ZNF83: variants seen among roughly 807,000 people sequenced by gnomAD.
ZNF83 encodes the protein zinc finger protein 83, also known as zinc finger protein 816B.
For missense variants in ZNF83, 552 were observed against 629.9 expected (o/e 0.88, Z 1.32); for synonymous variants, 209 against 213.0 (o/e 0.98, Z 0.17).
At chr19:52,618,666 G>C (rs981594274) in intron 2 of ZNF83, 2 of 517,664 alleles carry the variant, frequency 3.9e-6, no homozygotes, top group African/African-American at 3.9e-5. Flanking sequence ...CAAAGTGCTG[G>C]GATTACAGGC....
chr19:52,638,668 T>A (rs1658569281), upstream of ZNF83, among the ~76,000 whole-genome samples: 1 of 152,210 alleles, frequency 6.6e-6, no homozygotes, highest in South Asian at 2.1e-4. Context: ...TACAATTTCA[T>A]GCTGATAGCC....
intron 2 of ZNF83, chr19:52,619,146 G>C (rs985720117): frequency 6.2e-6 from 10 of 1,611,384 alleles, no homozygotes; most frequent in Admixed American, 3.3e-5. Context: ...TGACAACAAG[G>C]ATTTAATTGT....
At chr19:52,664,128 C>T (rs1394589140) in intron 1 of ZNF83, among the ~76,000 whole-genome samples, 1 of 151,990 alleles carries the variant, frequency 6.6e-6, no homozygotes, top group Non-Finnish European at 1.5e-5. Flanking sequence ...AGGTGATCCA[C>T]CAGCCTTGGC....
chr19:52,621,620 A>G (rs956637652), intron 2 of ZNF83, among the ~76,000 whole-genome samples: 2 of 151,052 alleles, frequency 1.3e-5, no homozygotes, highest in Admixed American at 6.6e-5. Context: ...TCTTTTCTCT[A>G]AACTTACGTT....
chr19:52,613,737 A>G, exon 3 of ZNF83: 3 of 1,350,004 alleles, frequency 2.2e-6, no homozygotes, highest in South Asian at 1.3e-5. Flanking sequence ...GATGTTGTGC[A>G]AGGTGTGAAA....
intron 2 of ZNF83, among the ~76,000 whole-genome samples, chr19:52,628,575 C>CT (rs2060830076): frequency 1.3e-5 from 2 of 152,142 alleles, no homozygotes; most frequent in South Asian, 4.1e-4. Context: ...GGACGCCTCT[C>CT]TGATTATTCA....
intron 1 of ZNF83, among the ~76,000 whole-genome samples, chr19:52,683,583 A>G (rs17633817): frequency 0.11 from 17,341 of 150,962 alleles, 1,307 homozygotes; most frequent in Non-Finnish European, 0.16. Flanking sequence ...TGTGCAGAGC[A>G]TGGAAGACCT....
intron 1 of ZNF83, among the ~76,000 whole-genome samples, chr19:52,661,347 G>A (rs1298320145): frequency 6.6e-6 from 1 of 152,116 alleles, no homozygotes; most frequent in Non-Finnish European, 1.5e-5. Flanking sequence ...GCTCCCTCCT[G>A]AAAATGTCCA....
At chr19:52,689,541 G>A (rs1273545903) in intron 1 of ZNF83, among the ~76,000 whole-genome samples, 2 of 152,050 alleles carry the variant, frequency 1.3e-5, no homozygotes, top group Non-Finnish European at 2.9e-5. Flanking sequence ...CTCCCTCTTT[G>A]CTGCCCCTCT....
At chr19:52,680,782 T>G (rs1366938063) in intron 1 of ZNF83, among the ~76,000 whole-genome samples, 1 of 146,532 alleles carries the variant, frequency 6.8e-6, no homozygotes, top group Non-Finnish European at 1.5e-5. Flanking sequence ...CCGGCTAATT[T>G]TTTGTATTTT....
intron 2 of ZNF83, chr19:52,618,726 C>G: frequency 3.1e-6 from 3 of 964,190 alleles, no homozygotes; most frequent in South Asian, 3.7e-5. Context: ...TTCTTTACTT[C>G]TGGAACCCCC....
intron 1 of ZNF83, chr19:52,636,982 C>G (rs544039163): frequency 6.6e-6 from 1 of 152,136 alleles, no homozygotes; most frequent in Admixed American, 6.6e-5. Flanking sequence ...ACTGTGCTTC[C>G]CTCCCTAATT....
intron 2 of ZNF83, among the ~76,000 whole-genome samples, chr19:52,620,602 T>C (rs754375000): frequency 6.6e-6 from 1 of 152,182 alleles, no homozygotes; most frequent in Non-Finnish European, 1.5e-5. Flanking sequence ...TATGAGAACA[T>C]GTTAATTTTC....
At chr19:52,686,709 A>T (rs939221146) in intron 1 of ZNF83, among the ~76,000 whole-genome samples, 12 of 152,000 alleles carry the variant, frequency 7.9e-5, no homozygotes, top group Non-Finnish European at 1.6e-4. Flanking sequence ...GGCAGCTGGA[A>T]CTACAGGTGC....
chr19:52,668,316 T>C (rs945279950), intron 1 of ZNF83, among the ~76,000 whole-genome samples: 1 of 152,174 alleles, frequency 6.6e-6, no homozygotes, highest in Non-Finnish European at 1.5e-5. Flanking sequence ...GGTGCCATTA[T>C]CATCAGAATC....
At position 52,618,830 on chromosome 19, in the gene ZNF83, C is replaced by T. The variant is rs138582404; in HGVS notation, c.-233-4033G>A. On this transcript the variant is annotated intron_variant, in intron 2 of 2. Transcript: ENST00000301096. ...GAAGCTTTTCATTTCAAAATCAATACGGCTTCCATTTTAGTCAAGCAAGGA... is the reference window on the plus strand; with the variant it reads ...GAAGCTTTTCATTTCAAAATCAATATGGCTTCCATTTTAGTCAAGCAAGGA... 1.8e-3 allele frequency: 2,671 copies of T among 1,457,656 alleles called. 34 individuals are homozygous for T. In the African/African-American group the frequency reaches 0.024, roughly 13 times the overall value. 90.3% of individuals were successfully genotyped at this position (1,457,656 alleles called of 1,614,324 possible).
chr19:52,649,673 G>A (rs368861738), intron 3 of ZNF83, among the ~76,000 whole-genome samples: 1 of 151,962 alleles, frequency 6.6e-6, no homozygotes, highest in African/African-American at 2.4e-5. Flanking sequence ...AAGACTATGA[G>A]AACAAATGAG....
chr19:52,676,184 T>C (rs143733562), intron 1 of ZNF83, among the ~76,000 whole-genome samples: 16,561 of 152,234 alleles, frequency 0.11, 1,211 homozygotes, highest in Non-Finnish European at 0.15. Context: ...GGTTTCGCTG[T>C]GTTGGTTGGG....
At chr19:52,654,090 G>A (rs559441737) in intron 3 of ZNF83, 196 of 1,601,760 alleles carry the variant, frequency 1.2e-4, no homozygotes, top group Middle Eastern at 8.3e-4. Flanking sequence ...TCTGAAATTC[G>A]TGCAGTTCAG....
Sources: allele counts gnomAD v4.1 joint callset (sites outside exome capture counted in the v4.1 genomes callset), GRCh38; gene constraint gnomAD v4.1.1; transcripts MANE v1.5; gene names NCBI Gene and HGNC (gene_info 2026-07-23, HGNC 2026-07-21).